OLFM2: variants seen among roughly 807,000 people sequenced by gnomAD.
OLFM2 encodes olfactomedin 2.
Under a neutral mutation model 43.9 loss-of-function variants are expected in OLFM2, and 20 were observed. The observed-to-expected ratio is 0.46, with a 90% CI of 0.32 to 0.66. OLFM2 has a LOEUF of 0.66. Ranked by LOEUF, OLFM2 falls within the 30% of genes least tolerant of loss-of-function variation. OLFM2 has a pLI of 0.04. For missense variants in OLFM2, 416 were observed against 643.6 expected, an observed-to-expected ratio of 0.65 and a Z score of 3.83; for synonymous variants, 268 against 278.6, an observed-to-expected ratio of 0.96 and a Z score of 0.38.
intron 1 of OLFM2, 146 bp downstream of exon 1, chr19:9,936,158 C>T: frequency 3.7e-6 from 3 of 805,580 alleles, no homozygotes; most frequent in Non-Finnish European, 5.6e-6. Context: ...ACGTCCCGGC[C>T]CCTCCCCCGC....
chr19:9,904,440 G>A (rs954862022), intron 1 of OLFM2, among the ~76,000 whole-genome samples: 4 of 151,870 alleles, frequency 2.6e-5, no homozygotes, highest in East Asian at 2.0e-4. Flanking sequence ...ATCCACCCAC[G>A]TCTGCCTCCC....
intron 1 of OLFM2, among the ~76,000 whole-genome samples, chr19:9,875,473 C>T (rs1328120941): frequency 6.6e-6 from 1 of 150,882 alleles, no homozygotes; most frequent in Non-Finnish European, 1.5e-5. Context: ...GCCTTAGGAG[C>T]TGGTGCAGGG....
chr19:9,894,464 C>A, intron 1 of OLFM2, among the ~76,000 whole-genome samples: 1 of 148,634 alleles, frequency 6.7e-6, no homozygotes, highest in African/African-American at 2.6e-5. Flanking sequence ...AATCCCAGCA[C>A]TTTGGGAGGC....
At chr19:9,868,587 AC>A (rs1174526044) in intron 1 of OLFM2, among the ~76,000 whole-genome samples, 2 of 152,188 alleles carry the variant, frequency 1.3e-5, no homozygotes, top group Admixed American at 1.3e-4. Context: ...GATTTTAATC[AC>A]CATCTTTAAA....
In OLFM2 at chr19:9,896,091, AT is replaced by A. The variant is rs71188854; in HGVS notation, c.64-35298del. On this transcript the variant is annotated intron_variant, in intron 1 of 5. Coordinates refer to ENST00000264833, the MANE Select transcript of OLFM2 (RefSeq NM_058164.4). The stretch of plus-strand genomic sequence containing the variant: ...CCCAGGCCTTCTTTACTTTATTTTA[AT>A]TTTTTTTTTTTTTTTTTTTTTTGAG... Among the ~76,000 whole-genome samples, 180 of 95,774 alleles carry A rather than the reference AT, an allele frequency of 1.9e-3. 1 individual carries two copies. The highest frequency in any genetic ancestry group is 5.0e-3 in the East Asian group (17 of 3,378). 62.8% of individuals were successfully genotyped at this position (95,774 alleles called of 152,430 possible). A position where few individuals can be genotyped will look rare whatever the true frequency, so the allele number is the denominator to read the frequency against.
intron 1 of OLFM2, among the ~76,000 whole-genome samples, chr19:9,872,006 C>T (rs2046446295): frequency 6.6e-6 from 1 of 152,148 alleles, no homozygotes; most frequent in Non-Finnish European, 1.5e-5. Context: ...CAGACAGGTG[C>T]CCAGTAGGCT....
Position 9,926,507 on chromosome 19 carries a change from G to A in OLFM2, c.63+9797C>T, listed in dbSNP as rs143030044. 4.2e-3 allele frequency among the ~76,000 whole-genome samples: 640 copies of A among 152,086 alleles called. 7 individuals carry two copies. The highest frequency in any genetic ancestry group is 0.015 in the African/African-American group (613 of 41,488). On this transcript the variant is annotated intron_variant, in intron 1 of 5. Coordinates refer to ENST00000264833, the MANE Select transcript of OLFM2 (RefSeq NM_058164.4). ...GCGGAGCTTGCAGTGAGCTGAGATC[G>A]CGCCACTGCACTCCAGCCTGGGACA...
At chr19:9,868,124 G>A (rs550209139) in intron 1 of OLFM2, among the ~76,000 whole-genome samples, 27 of 151,748 alleles carry the variant, frequency 1.8e-4, no homozygotes, top group Admixed American at 8.5e-4. Flanking sequence ...GTGCAATGGC[G>A]TGATCTTGGC....
intron 1 of OLFM2, among the ~76,000 whole-genome samples, chr19:9,890,586 T>G (rs144312808): frequency 9.1e-4 from 139 of 152,326 alleles, no homozygotes; most frequent in African/African-American, 3.1e-3. Flanking sequence ...CTGTAGGACT[T>G]CCCCAGTGTG....
intron 1 of OLFM2, among the ~76,000 whole-genome samples, chr19:9,915,439 A>C (rs2046867501): frequency 6.6e-6 from 1 of 151,942 alleles, no homozygotes; most frequent in Non-Finnish European, 1.5e-5. Context: ...AAAGTACATA[A>C]GATATTAGGA....
Position 9,860,759 on chromosome 19 carries a change from C to T in OLFM2, c.99G>A (p.Leu33=). The T allele has an allele frequency of 6.2e-7, 1 of 1,609,334 alleles. No individual in the cohort carries two copies. Among genetic ancestry groups the T allele is most frequent in the Non-Finnish European group, 8.5e-7 (1 of 1,178,434 alleles). The change falls in exon 2 of 6, where the codon CTG becomes CTA. Residue 33 remains leucine, a synonymous_variant. Transcript: ENST00000264833. ...LFQNPEEGWQ[L]YTSAQAPDGK... is the part of the protein sequence containing the mutation. ...CGTCAGGGGCCTGGGCTGAGGTGTA[C>T]AGCTGCCAGCCCTCTTCTGGGTTCT...
At chr19:9,872,844 T>G (rs569773718) in intron 1 of OLFM2, among the ~76,000 whole-genome samples, 1 of 152,162 alleles carries the variant, frequency 6.6e-6, no homozygotes, top group Admixed American at 6.6e-5. Context: ...AACCATCCAT[T>G]TATATACATC....
chr19:9,935,053 A>T (rs1213927358), intron 1 of OLFM2, among the ~76,000 whole-genome samples: 1 of 152,156 alleles, frequency 6.6e-6, no homozygotes, highest in Admixed American at 6.5e-5. Flanking sequence ...GCCTCGGTTC[A>T]GTCCCACCTC....
chr19:9,867,337 C>T lies in OLFM2; in HGVS notation c.64-6543G>A, dbSNP rs185084740. On this transcript the variant is annotated intron_variant, in intron 1 of 5. Coordinates refer to ENST00000264833, the MANE Select transcript of OLFM2 (RefSeq NM_058164.4). ...AGTGAGCCGAGATCGTGCCATTGCA[C>T]TCCAGCCTGGGCAATAGAGCGAGAC... Among the ~76,000 whole-genome samples the T allele has an allele frequency of 1.2e-4, 18 of 152,282 alleles. No individual in the cohort carries two copies. The East Asian group carries it at 3.5e-3, about 29-fold the overall frequency.
At chr19:9,887,966 G>A (rs1038001887) in intron 1 of OLFM2, among the ~76,000 whole-genome samples, 5 of 152,160 alleles carry the variant, frequency 3.3e-5, no homozygotes, top group Middle Eastern at 3.4e-3. Context: ...CTGGGAGGTC[G>A]AGGCTGTGGT....
At chr19:9,895,554 T>C (rs1397083849) in intron 1 of OLFM2, among the ~76,000 whole-genome samples, 1 of 152,008 alleles carries the variant, frequency 6.6e-6, no homozygotes, top group East Asian at 1.9e-4. Flanking sequence ...AAAAATAAAG[T>C]CTATTCGGTC....
At chr19:9,895,825 A>T (rs556300794) in intron 1 of OLFM2, among the ~76,000 whole-genome samples, 1 of 151,932 alleles carries the variant, frequency 6.6e-6, no homozygotes, top group African/African-American at 2.4e-5. Flanking sequence ...TAGTAGAGAC[A>T]GGGTTTCACC....
At chr19:9,888,842 G>A (rs1051696516) in intron 1 of OLFM2, among the ~76,000 whole-genome samples, 1 of 152,006 alleles carries the variant, frequency 6.6e-6, no homozygotes, top group Non-Finnish European at 1.5e-5. Context: ...CGAGGCGGGC[G>A]GATCACAAGG....
chr19:9,927,163 A>G (rs1050205190), intron 1 of OLFM2, among the ~76,000 whole-genome samples: 24 of 147,806 alleles, frequency 1.6e-4, no homozygotes, highest in African/African-American at 5.5e-4. Flanking sequence ...GCGCCTGTTA[A>G]CCCAGTTCCT....
Sources: allele counts gnomAD v4.1 joint callset (sites outside exome capture counted in the v4.1 genomes callset), GRCh38; gene constraint gnomAD v4.1.1; transcripts MANE v1.5; gene names NCBI Gene and HGNC (gene_info 2026-07-23, HGNC 2026-07-21).